DOCK4: variants seen among roughly 807,000 people sequenced by gnomAD.
The protein encoded by DOCK4 is dedicator of cytokinesis 4, also known as dedicator of cytokinesis protein 4.
DOCK4 carries 97 observed loss-of-function variants against 268.1 expected under a neutral mutation model. The observed-to-expected ratio is 0.36, with a 90% CI of 0.31 to 0.43. DOCK4 has a LOEUF of 0.43. DOCK4 is among the 20% of genes least tolerant of loss of function. The pLI is 1.00. For missense variants in DOCK4, 2,145 were observed against 2,455.7 expected, an observed-to-expected ratio of 0.87 and a Z score of 2.67; for synonymous variants, 954 against 887.2, an observed-to-expected ratio of 1.08 and a Z score of -1.34.
In DOCK4 at chr7:111,741,612, C is replaced by G; in HGVS notation, c.4847G>C (p.Ser1616Thr). ...TGCTGAGTTTCTACACACACGAGGGCTTCCATTAGGAAAATGGACAGGACT... is the reference window on the plus strand; with the variant it reads ...TGCTGAGTTTCTACACACACGAGGGGTTCCATTAGGAAAATGGACAGGACT... Reference protein sequence around the residue: ...QASPVHFPNGSPRVCRNSAPA... With the variant: ...QASPVHFPNGTPRVCRNSAPA... Residue 1616 changes from serine to threonine, a missense_variant, in exon 46 of 53, where the codon AGC becomes ACC. Ser to Thr is a moderately conservative substitution (Grantham distance 58, BLOSUM62 1). Transcript: ENST00000428084. 6.2e-7 allele frequency: 1 copy of G among 1,613,576 alleles called. No individual in the cohort carries two copies. Among genetic ancestry groups the G allele is most frequent in the South Asian group, 1.1e-5 (1 of 90,978 alleles).
intron 1 of DOCK4, among the ~76,000 whole-genome samples, chr7:112,132,396 A>G (rs919249737): frequency 2.0e-5 from 3 of 152,146 alleles, no homozygotes; most frequent in African/African-American, 7.2e-5. Flanking sequence ...ACCAGGAAAA[A>G]TCTGGGATAA....
chr7:111,838,248 T>G lies in DOCK4; in HGVS notation c.2737-3562A>C, dbSNP rs577500864. Reference sequence around the variant, plus strand: ...AAGGAGTGAAAAGGATCTAAAATAGTCAAAACAACTTTGAAAAAGAAAAGT... The same window carrying G: ...AAGGAGTGAAAAGGATCTAAAATAGGCAAAACAACTTTGAAAAAGAAAAGT... On this transcript the variant is annotated intron_variant, in intron 25 of 52. Coordinates refer to ENST00000428084, the MANE Select transcript of DOCK4 (RefSeq NM_001363540.2). Among the ~76,000 whole-genome samples the G allele has an allele frequency of 1.5e-3, 225 of 152,090 alleles. 3 individuals are homozygous for G. Among genetic ancestry groups the G allele is most frequent in the African/African-American group, 5.3e-3 (218 of 41,488 alleles).
At chr7:111,867,851 G>T in intron 22 of DOCK4, 133 bp downstream of exon 22, 1 of 900,674 alleles carries the variant, frequency 1.1e-6, no homozygotes. Flanking sequence ...TACTCATAAA[G>T]TTGGTTAAGC....
intron 1 of DOCK4, among the ~76,000 whole-genome samples, chr7:112,197,203 A>G (rs1455073923): frequency 6.6e-6 from 1 of 152,098 alleles, no homozygotes; most frequent in Admixed American, 6.5e-5. Context: ...ATCATAAGCT[A>G]GAATTCCTTC....
At chr7:112,145,674 C>T (rs1211393749) in intron 1 of DOCK4, among the ~76,000 whole-genome samples, 1 of 152,094 alleles carries the variant, frequency 6.6e-6, no homozygotes, top group Non-Finnish European at 1.5e-5. Flanking sequence ...TTTCAACCTC[C>T]CTCTAGTAAG....
At chr7:111,810,829 C>A (rs1801069520) in intron 28 of DOCK4, among the ~76,000 whole-genome samples, 1 of 151,818 alleles carries the variant, frequency 6.6e-6, no homozygotes, top group Admixed American at 6.6e-5. Flanking sequence ...AAACCCCATA[C>A]TACTACTAAA....
At chr7:111,841,623 G>C (rs553939365) in intron 25 of DOCK4, among the ~76,000 whole-genome samples, 1 of 152,042 alleles carries the variant, frequency 6.6e-6, no homozygotes, top group Non-Finnish European at 1.5e-5. Flanking sequence ...AATAATTTAT[G>C]TGTGTGTTTC....
At chr7:111,957,555 T>C (rs544648728) in intron 8 of DOCK4, among the ~76,000 whole-genome samples, 14 of 152,332 alleles carry the variant, frequency 9.2e-5, no homozygotes, top group Admixed American at 7.2e-4. Context: ...CTGTGTCTAC[T>C]AGCAAAGTTT....
chr7:111,909,918 T>C (rs1791946697), intron 13 of DOCK4, among the ~76,000 whole-genome samples: 1 of 150,584 alleles, frequency 6.6e-6, no homozygotes, highest in Non-Finnish European at 1.5e-5. Context: ...GCCATGATTG[T>C]ACTACTACAC....
At chr7:112,197,120 T>G (rs1452144265) in intron 1 of DOCK4, among the ~76,000 whole-genome samples, 1 of 152,160 alleles carries the variant, frequency 6.6e-6, no homozygotes, top group Non-Finnish European at 1.5e-5. Context: ...AATGTTTGCC[T>G]CTTTCTGTGA....
chr7:112,147,850 G>A (rs1815667146), intron 1 of DOCK4, among the ~76,000 whole-genome samples: 1 of 143,026 alleles, frequency 7.0e-6, no homozygotes, highest in Admixed American at 7.2e-5. Flanking sequence ...ACCACCAGGA[G>A]GAGGCTTGAA....
Position 111,809,062 on chromosome 7 carries a change from G to C in DOCK4, c.3108-183C>G, listed in dbSNP as rs567419547. 3.3e-5 allele frequency among the ~76,000 whole-genome samples: 5 copies of C among 152,296 alleles called. No homozygotes were observed. The East Asian group carries it at 9.7e-4, about 29-fold the overall frequency. Reference sequence around the variant, plus strand: ...CTGGTGTAAACCTTTTAGTAAAAGAGATCTGTTTCATAATTTTTTGCATCT... The same window carrying C: ...CTGGTGTAAACCTTTTAGTAAAAGACATCTGTTTCATAATTTTTTGCATCT... On this transcript the variant is annotated intron_variant, in intron 29 of 52. Coordinates refer to ENST00000428084, the MANE Select transcript of DOCK4 (RefSeq NM_001363540.2).
At chr7:112,104,029 C>T (rs780316377) in intron 1 of DOCK4, among the ~76,000 whole-genome samples, 2 of 152,208 alleles carry the variant, frequency 1.3e-5, no homozygotes, top group Non-Finnish European at 2.9e-5. Flanking sequence ...GGGGGACCAC[C>T]TAGCAGCCAG....
At chr7:111,863,268 T>C in intron 23 of DOCK4, 104 bp downstream of exon 23, 2 of 1,201,122 alleles carry the variant, frequency 1.7e-6, no homozygotes, top group Non-Finnish European at 2.4e-6. Flanking sequence ...TTTGAGAAAA[T>C]GCCTTTTAGT....
intron 1 of DOCK4, among the ~76,000 whole-genome samples, chr7:112,104,022 G>A (rs1371466360): frequency 6.6e-6 from 1 of 152,060 alleles, no homozygotes; most frequent in East Asian, 1.9e-4. Flanking sequence ...AACTTCTGGG[G>A]GACCACCTAG....
At chr7:111,760,781 T>TGTGTGA (rs61045792) in intron 39 of DOCK4, among the ~76,000 whole-genome samples, 2,227 of 143,388 alleles carry the variant, frequency 0.016, 27 homozygotes, top group African/African-American at 0.028. Context: ...TGTGTGTGTG[T>TGTGTGA]GTATTCTGCC....
chr7:111,856,000 G>A (rs746912535), intron 23 of DOCK4, among the ~76,000 whole-genome samples: 10 of 152,142 alleles, frequency 6.6e-5, no homozygotes, highest in Non-Finnish European at 1.5e-4. Flanking sequence ...GAAGAGTGAG[G>A]AGGCCCGTTA....
At chr7:112,078,003 T>C (rs1022459820) in intron 1 of DOCK4, among the ~76,000 whole-genome samples, 1 of 152,148 alleles carries the variant, frequency 6.6e-6, no homozygotes, top group Non-Finnish European at 1.5e-5. Context: ...TTCTATTATA[T>C]TTATTAAATG....
In DOCK4 at chr7:111,749,016, C is replaced by T. The variant is rs574101756; in HGVS notation, c.4417-1573G>A. 5.3e-5 allele frequency among the ~76,000 whole-genome samples: 8 copies of T among 152,132 alleles called. No homozygotes were observed. In the South Asian group the frequency reaches 1.0e-3, roughly 20 times the overall value. ...CGTTCAAAACCAGGTAAAACCAAAT[C>T]GACTTGTTTAGAGAGGCAAATAGGT... On this transcript the variant is annotated intron_variant, in intron 42 of 52. Coordinates refer to ENST00000428084, the MANE Select transcript of DOCK4 (RefSeq NM_001363540.2).
Sources: gnomAD v4.1 joint callset for allele counts (sites outside exome capture counted in the v4.1 genomes callset) on GRCh38, gnomAD v4.1.1 for gene constraint, MANE v1.5 for transcripts, NCBI Gene and HGNC (gene_info 2026-07-23, HGNC 2026-07-21) for gene names.